Variants in DZANK1 observed in about 807,000 individuals in gnomAD.
DZANK1 encodes the protein double zinc ribbon and ankyrin repeat-containing protein 1.
In DZANK1, 91 loss-of-function variants were observed where a neutral mutation model predicts 94.5. The ratio of observed to expected loss-of-function variants is 0.96; its 90% CI spans 0.81 to 1.15. The LOEUF is 1.15. DZANK1 is among the 50% of genes most tolerant of loss of function. The probability of loss-of-function intolerance (pLI) is 0.00; values close to 1 mark genes in which losing one functional copy is unlikely to be tolerated. For missense variants in DZANK1, 903 were observed against 916.4 expected, an observed-to-expected ratio of 0.99 and a Z score of 0.19; for synonymous variants, 312 against 325.3, an observed-to-expected ratio of 0.96 and a Z score of 0.44.
chr20:18,413,637 G>A (rs1271573218), intron 12 of DZANK1, among the ~76,000 whole-genome samples: 2 of 152,022 alleles, frequency 1.3e-5, no homozygotes, highest in Non-Finnish European at 2.9e-5. Flanking sequence ...AAAATTAGCC[G>A]GGCATGGTGG....
intron 18 of DZANK1, 106 bp downstream of exon 18, chr20:18,390,273 G>A: frequency 9.9e-7 from 1 of 1,007,740 alleles, no homozygotes; most frequent in South Asian, 1.4e-5. Context: ...TAATCAAAGG[G>A]CAGTGTAATT....
exon 14 of DZANK1, chr20:18,398,565 G>A (rs752362705): frequency 1.2e-6 from 2 of 1,613,868 alleles, no homozygotes; most frequent in African/African-American, 1.3e-5. Flanking sequence ...GGAATTCAGG[G>A]TTGTTCTGAG....
Position 18,414,517 on chromosome 20 carries a change from A to T in DZANK1, c.1078-5T>A. 1 of 1,593,750 alleles carries T rather than the reference A, an allele frequency of 6.3e-7. No homozygotes were observed. Among genetic ancestry groups the T allele is most frequent in the Non-Finnish European group, 8.5e-7 (1 of 1,169,626 alleles). ...ACAGCCAGCAGGAATGCCGAGCTAG[A>T]GGATAGAAAATATCTTGATGAATAT... On this transcript the variant is annotated splice_region_variant and splice_polypyrimidine_tract_variant and intron_variant, in intron 11 of 20. Coordinates refer to ENST00000262547, the Ensembl canonical transcript of DZANK1.
rs1486234329 is a variant in DZANK1, at chr20:18,441,709, C to T, written c.747+1638G>A. ...AGATCAGAGCCAGCAAGGAAAAAGCCGCCCACTGGGATCCAATGAAACTCA... is the reference window on the plus strand; with the variant it reads ...AGATCAGAGCCAGCAAGGAAAAAGCTGCCCACTGGGATCCAATGAAACTCA... On this transcript the variant is annotated intron_variant, in intron 8 of 20. Coordinates refer to ENST00000262547, the Ensembl canonical transcript of DZANK1. The surrounding 1 kb of genome is among the most constrained non-coding windows in gnomAD (Gnocchi z 4.1). Among the ~76,000 whole-genome samples the T allele has an allele frequency of 3.3e-5, 5 of 152,212 alleles. No individual in the cohort carries two copies. Among genetic ancestry groups the T allele is most frequent in the Admixed American group, 2.0e-4 (3 of 15,278 alleles).
At chr20:18,403,635 G>A (rs2056798195) in intron 13 of DZANK1, among the ~76,000 whole-genome samples, 1 of 152,098 alleles carries the variant, frequency 6.6e-6, no homozygotes, top group African/African-American at 2.4e-5. Flanking sequence ...GAAATAAACA[G>A]CTAAGAAGAG....
intron 17 of DZANK1, 106 bp from the exon 18 acceptor site, chr20:18,390,565 T>A: frequency 9.7e-6 from 10 of 1,035,520 alleles, no homozygotes; most frequent in Non-Finnish European, 1.5e-5. Context: ...CAGGTGACTA[T>A]GAGTGTGTGC....
exon 11 of DZANK1, chr20:18,415,381 T>C: frequency 6.3e-7 from 1 of 1,595,694 alleles, no homozygotes; most frequent in Non-Finnish European, 8.5e-7. Context: ...AGCGACCACA[T>C]CTGTAGCAGG....
chr20:18,406,842 T>G (rs1600810280), intron 13 of DZANK1, among the ~76,000 whole-genome samples: 1 of 152,250 alleles, frequency 6.6e-6, no homozygotes, highest in African/African-American at 2.4e-5. Flanking sequence ...GTCCCAGGCC[T>G]GGAAGCATTC....
intron 19 of DZANK1, among the ~76,000 whole-genome samples, chr20:18,386,745 T>C (rs115399769): frequency 6.6e-6 from 1 of 152,066 alleles, no homozygotes; most frequent in East Asian, 1.9e-4. Context: ...GCCAAAGAGA[T>C]AATAGAACAA....
chr20:18,414,034 C>CT lies in DZANK1; in HGVS notation c.1242+313dup, dbSNP rs534207643. Among the ~76,000 whole-genome samples, 7 of 152,216 alleles carry CT rather than the reference C, an allele frequency of 4.6e-5. No individual in the cohort carries two copies. The South Asian group carries it at 1.4e-3, about 32-fold the overall frequency. On this transcript the variant is annotated intron_variant, in intron 12 of 20. Transcript: ENST00000262547. Reference sequence around the variant, plus strand: ...AGCTGTTATAAATTACAAAAGCAATCTTATATACCCTAAGCTTTCTAAAAT... The same window carrying CT: ...AGCTGTTATAAATTACAAAAGCAATCTTTATATACCCTAAGCTTTCTAAAAT...
chr20:18,449,193 GAAT>G (rs2059002886), intron 6 of DZANK1, 124 bp from the exon 7 acceptor site: 1 of 773,356 alleles, frequency 1.3e-6, no homozygotes, highest in African/African-American at 1.7e-5. Context: ...ATATAAAGAG[GAAT>G]AATAGACACT....
At chr20:18,417,032 A>AAG (rs1462086404) in intron 10 of DZANK1, among the ~76,000 whole-genome samples, 1 of 72,782 alleles carries the variant, frequency 1.4e-5, no homozygotes, top group South Asian at 6.8e-4. Flanking sequence ...AACAAAAAAA[A>AAG]ACAAAAAAAA....
intron 10 of DZANK1, among the ~76,000 whole-genome samples, chr20:18,417,289 C>T (rs1013842088): frequency 6.6e-6 from 1 of 152,192 alleles, no homozygotes; most frequent in African/African-American, 2.4e-5. Flanking sequence ...AGTTACATCA[C>T]TGACAGTTAA....
At chr20:18,459,324 T>C (rs535329622) in intron 3 of DZANK1, among the ~76,000 whole-genome samples, 2 of 152,332 alleles carry the variant, frequency 1.3e-5, no homozygotes, top group African/African-American at 4.8e-5. Flanking sequence ...ATTTTATTTG[T>C]TATAATTTTC....
chr20:18,451,538 T>C (rs970179816), intron 6 of DZANK1, among the ~76,000 whole-genome samples: 1 of 152,170 alleles, frequency 6.6e-6, no homozygotes, highest in Non-Finnish European at 1.5e-5. Flanking sequence ...AAGCTTCAAA[T>C]ACCATCAACA....
intron 10 of DZANK1, among the ~76,000 whole-genome samples, chr20:18,418,199 C>T (rs1251789951): frequency 3.3e-5 from 5 of 152,060 alleles, no homozygotes; most frequent in Non-Finnish European, 5.9e-5. Flanking sequence ...CAGTTCCCAT[C>T]GTCACAGTTT....
At chr20:18,393,323 T>C (rs2424186) in intron 17 of DZANK1, among the ~76,000 whole-genome samples, 151,798 of 152,340 alleles carry the variant, frequency 1, 75,629 homozygotes, top group East Asian at 1. Flanking sequence ...ACGACATGCC[T>C]GTCCACTCAC....
rs1027744514 is a variant in DZANK1 at position 18,434,526 on chromosome 20, C to T, written c.748-761G>A. Among the ~76,000 whole-genome samples the T allele has an allele frequency of 5.2e-5, 6 of 115,210 alleles. No homozygotes were observed. In the Admixed American group the frequency reaches 7.4e-4, roughly 14 times the overall value. The allele number at this position is 115,210 out of a possible 152,430, so 75.6% of individuals were successfully genotyped here. The stretch of plus-strand genomic sequence containing the variant: ...CCTCACTGCACTCCAGCCTGGGTGA[C>T]AAGAGCGAGACTCCTGCTCAAAAAA... On this transcript the variant is annotated intron_variant, in intron 8 of 20. Transcript: ENST00000262547.
intron 10 of DZANK1, among the ~76,000 whole-genome samples, chr20:18,418,951 G>A (rs955286391): frequency 1.3e-5 from 2 of 152,080 alleles, no homozygotes; most frequent in Admixed American, 6.5e-5. Flanking sequence ...ACAATGTGAA[G>A]AGAAAAAAAG....
Sources: allele counts gnomAD v4.1 joint callset (sites outside exome capture counted in the v4.1 genomes callset), GRCh38; gene constraint gnomAD v4.1.1; non-coding constraint Gnocchi (gnomAD v3.1); transcripts MANE v1.5; gene names NCBI Gene and HGNC (gene_info 2026-07-23, HGNC 2026-07-21).